The following USP32 variants were observed in gnomAD, a reference collection of about 807,000 sequenced individuals.
The protein encoded by USP32 is ubiquitin carboxyl-terminal hydrolase 32.
In USP32, 59 loss-of-function variants were observed where a neutral mutation model predicts 204.8. The ratio of observed to expected loss-of-function variants is 0.29; its 90% CI spans 0.23 to 0.36. The LOEUF (loss-of-function observed/expected upper bound fraction) is 0.36. Ranked by LOEUF, USP32 falls within the 10% of genes least tolerant of loss-of-function variation. The probability of loss-of-function intolerance (pLI) is 1.00; values close to 1 mark genes in which losing one functional copy is unlikely to be tolerated. For missense variants in USP32, 1,160 were observed against 1,946.4 expected (o/e 0.60, Z 7.60); for synonymous variants, 517 against 678.4 (o/e 0.76, Z 3.70).
intron 9 of USP32, among the ~76,000 whole-genome samples, chr17:60,261,137 T>C (rs533263613): frequency 1.1e-4 from 16 of 152,322 alleles, no homozygotes; most frequent in Non-Finnish European, 1.6e-4. Context: ...TATTTCAAAA[T>C]GCTACTTGTT....
intron 15 of USP32, among the ~76,000 whole-genome samples, chr17:60,220,670 G>A (rs1484617789): frequency 6.6e-6 from 1 of 150,828 alleles, no homozygotes; most frequent in Non-Finnish European, 1.5e-5. Flanking sequence ...TTGAGACACA[G>A]TCTCGCTCTG....
intron 10 of USP32, among the ~76,000 whole-genome samples, chr17:60,254,464 G>A (rs2086243572): frequency 6.6e-6 from 1 of 152,190 alleles, no homozygotes; most frequent in Non-Finnish European, 1.5e-5. Context: ...ACTTTGGGAG[G>A]CTGAGACAGA....
intron 2 of USP32, among the ~76,000 whole-genome samples, chr17:60,332,076 C>G (rs1268365382): frequency 2.6e-5 from 4 of 151,914 alleles, no homozygotes; most frequent in Non-Finnish European, 5.9e-5. Flanking sequence ...AACCCCATCT[C>G]TACAAAACAA....
At chr17:60,342,139 C>T (rs933372878) in intron 2 of USP32, among the ~76,000 whole-genome samples, 3 of 152,070 alleles carry the variant, frequency 2.0e-5, no homozygotes, top group African/African-American at 7.2e-5. Flanking sequence ...TCTGTTTGTT[C>T]ATTTTCCTTC....
chr17:60,325,821 T>C (rs1012228828), intron 2 of USP32, among the ~76,000 whole-genome samples: 1 of 151,926 alleles, frequency 6.6e-6, no homozygotes, highest in Non-Finnish European at 1.5e-5. Context: ...CCCAGCTACT[T>C]GGGAGGCTGA....
chr17:60,235,374 T>C (rs1598114351), intron 12 of USP32, among the ~76,000 whole-genome samples: 1 of 152,322 alleles, frequency 6.6e-6, no homozygotes, highest in East Asian at 1.9e-4. Context: ...AAGTCCGTGT[T>C]TCCCAATTAA....
chr17:60,207,451 G>A (rs140203689), intron 24 of USP32, among the ~76,000 whole-genome samples: 12 of 151,882 alleles, frequency 7.9e-5, no homozygotes, highest in East Asian at 1.9e-4. Flanking sequence ...GAAACTGTCA[G>A]TGAGGTGAGA....
intron 27 of USP32, among the ~76,000 whole-genome samples, chr17:60,197,543 G>A (rs1297138237): frequency 6.6e-6 from 1 of 152,204 alleles, no homozygotes; most frequent in African/African-American, 2.4e-5. Context: ...GGTGGAGGCT[G>A]CAGTAAGCCA....
At chr17:60,377,236 G>T (rs1332239848) in intron 1 of USP32, among the ~76,000 whole-genome samples, 1 of 152,186 alleles carries the variant, frequency 6.6e-6, no homozygotes, top group Non-Finnish European at 1.5e-5. Flanking sequence ...AAGGCAGGAG[G>T]ATCTCTTGAG....
intron 1 of USP32, among the ~76,000 whole-genome samples, chr17:60,398,047 G>C (rs974752325): frequency 6.6e-6 from 1 of 152,060 alleles, no homozygotes; most frequent in Non-Finnish European, 1.5e-5. Context: ...GGATTTGAAA[G>C]CTATAAAATA....
chr17:60,338,740 T>C (rs767074426), intron 2 of USP32, among the ~76,000 whole-genome samples: 6 of 152,130 alleles, frequency 3.9e-5, no homozygotes, highest in Non-Finnish European at 8.8e-5. Flanking sequence ...AAAAAAAACA[T>C]AGTGGCCTTG....
intron 9 of USP32, chr17:60,256,738 G>A: frequency 8.6e-7 from 1 of 1,167,560 alleles, no homozygotes; most frequent in Non-Finnish European, 1.1e-6. Flanking sequence ...GAACTTCAAA[G>A]GCTATGTAAG....
chr17:60,272,745 G>A (rs1231477328), intron 5 of USP32, among the ~76,000 whole-genome samples: 1 of 152,164 alleles, frequency 6.6e-6, no homozygotes, highest in Admixed American at 6.5e-5. Context: ...CTAAACAAGG[G>A]ATGAGTACTG....
intron 1 of USP32, among the ~76,000 whole-genome samples, chr17:60,345,873 T>C (rs530217925): frequency 3.9e-5 from 6 of 151,944 alleles, no homozygotes; most frequent in African/African-American, 1.2e-4. Context: ...TCCCAGCTAC[T>C]TGGGAGGCTG....
upstream of USP32, among the ~76,000 whole-genome samples, chr17:60,394,496 C>G (rs1359033116): frequency 6.6e-6 from 1 of 152,138 alleles, no homozygotes; most frequent in African/African-American, 2.4e-5. Flanking sequence ...ACTAGAGTTG[C>G]AGTTTAGCTG....
intron 2 of USP32, among the ~76,000 whole-genome samples, chr17:60,338,344 C>G (rs1262158529): frequency 6.7e-6 from 1 of 150,164 alleles, no homozygotes; most frequent in Non-Finnish European, 1.5e-5. Context: ...AAAAAAAATA[C>G]TACATAGAAA....
chr17:60,412,709 G>T (rs1162073569), intron 1 of USP32, among the ~76,000 whole-genome samples: 1 of 152,048 alleles, frequency 6.6e-6, no homozygotes, highest in Admixed American at 6.6e-5. Context: ...GAAGAAAGGT[G>T]GTGAGAGTGA....
At chr17:60,383,690 G>A (rs979207018) in intron 1 of USP32, among the ~76,000 whole-genome samples, 1 of 152,202 alleles carries the variant, frequency 6.6e-6, no homozygotes, top group African/African-American at 2.4e-5. Flanking sequence ...GTCTTTCCAG[G>A]ATGAGAGAAA....
At chr17:60,295,274 G>A (rs1031388660) in intron 3 of USP32, among the ~76,000 whole-genome samples, 1 of 151,040 alleles carries the variant, frequency 6.6e-6, no homozygotes, top group African/African-American at 2.4e-5. Flanking sequence ...GTCAACAAGA[G>A]AACAGGTAAA....
Sources: gnomAD v4.1 joint callset for allele counts (sites outside exome capture counted in the v4.1 genomes callset) on GRCh38, gnomAD v4.1.1 for gene constraint, MANE v1.5 for transcripts, NCBI Gene and HGNC (gene_info 2026-07-23, HGNC 2026-07-21) for gene names.